Variants in CA12 observed in about 807,000 individuals in gnomAD.
The protein encoded by CA12 is carbonate dehydratase XII.
CA12 carries 36 observed loss-of-function variants against 46.8 expected under a neutral mutation model. That is an observed-to-expected ratio of 0.77 (90% CI 0.59 to 1.02). The LOEUF is 1.02. Among genes scored for constraint, CA12 ranks in the 50% least tolerant of loss-of-function variants. The pLI is 0.00. For synonymous variants in CA12, 202 were observed against 187.0 expected, an observed-to-expected ratio of 1.08 and a Z score of -0.65; for missense variants, 436 against 451.4, an observed-to-expected ratio of 0.97 and a Z score of 0.31.
At chr15:63,342,322 A>G (rs757218945) in intron 4 of CA12, among the ~76,000 whole-genome samples, 4 of 152,190 alleles carry the variant, frequency 2.6e-5, no homozygotes, top group Non-Finnish European at 4.4e-5. Context: ...GACATAATAC[A>G]TCAATCAATA....
At chr15:63,337,737 C>T (rs1032283763) in intron 8 of CA12, among the ~76,000 whole-genome samples, 4 of 152,086 alleles carry the variant, frequency 2.6e-5, no homozygotes, top group East Asian at 3.9e-4. Context: ...ACACCGTGCC[C>T]GGCTAATTTT....
At position 63,327,005 on chromosome 15, in the gene CA12, C is replaced by T. The variant is rs1196851806; in HGVS notation, c.992+144G>A. On this transcript the variant is annotated intron_variant, in intron 10 of 10. Transcript: ENST00000178638. The surrounding 1 kb of genome is among the most constrained non-coding windows in gnomAD (Gnocchi z 4.5). ...GTCTCATGCAAAGGAGGCCAGGGCA[C>T]GGGTGCTTTGGGGACGGCCCTCCTA... is the stretch of plus-strand genomic sequence containing the variant. The T allele has an allele frequency of 1.1e-5, 8 of 711,960 alleles. No homozygotes were observed. Among genetic ancestry groups the T allele is most frequent in the South Asian group, 4.5e-5 (3 of 66,142 alleles). The allele number at this position is 711,960 out of a possible 1,614,324, so 44.1% of individuals were successfully genotyped here.
At position 63,373,657 on chromosome 15, in the gene CA12, G is replaced by A. The variant is rs2039535417; in HGVS notation, c.106+2001C>T. On this transcript the variant is annotated intron_variant, in intron 2 of 10. Coordinates refer to ENST00000178638, the MANE Select transcript of CA12 (RefSeq NM_001218.5). The surrounding 1 kb of genome is among the most constrained non-coding windows in gnomAD (Gnocchi z 4.9). ...TTTTCAGGCTCCCTCCCTTTCCCAG[G>A]TCTAGCCCAAGGCCTAGAAATCTGC... 6.6e-6 allele frequency among the ~76,000 whole-genome samples: 1 copy of A among 152,160 alleles called. No individual in the cohort carries two copies. Among genetic ancestry groups the A allele is most frequent in the African/African-American group, 2.4e-5 (1 of 41,434 alleles).
chr15:63,381,837 T>C lies in CA12; in HGVS notation c.-117A>G. ...CAGCCTGGGTGCCGTGGCGAGTACG[T>C]CCGCCCTTCGCTCTCCTGGCTTCCC... On this transcript the variant is annotated 5_prime_UTR_variant, in exon 1 of 11. Transcript: ENST00000178638. The C allele has an allele frequency of 1.8e-6, 1 of 546,962 alleles. No homozygotes were observed. 33.9% of individuals were successfully genotyped at this position (546,962 alleles called of 1,614,324 possible).
Position 63,330,147 on chromosome 15 carries a change from T to A in CA12, c.875-2017A>T, listed in dbSNP as rs1157748153. ...CTGGCCAGACTCCCTGCCCCAGGCC[T>A]CTTCGTGTAACCTGAACACAAGGAC... On this transcript the variant is annotated intron_variant, in intron 8 of 10. Coordinates refer to ENST00000178638, the MANE Select transcript of CA12 (RefSeq NM_001218.5). This position sits in a 1 kb window ranked among gnomAD's most constrained non-coding sequence, Gnocchi z 4.0. Among the ~76,000 whole-genome samples the A allele has an allele frequency of 1.3e-5, 2 of 152,234 alleles. No homozygotes were observed. Among genetic ancestry groups the A allele is most frequent in the East Asian group, 3.8e-4 (2 of 5,196 alleles).
chr15:63,331,966 G>A lies in CA12; in HGVS notation c.875-3836C>T, dbSNP rs1046012419. Reference sequence around the variant, plus strand: ...TCTAGCTCTATTTACGATTCTGTTTGACTGTGGACTATAATCCTTTTCAAG... The same window carrying A: ...TCTAGCTCTATTTACGATTCTGTTTAACTGTGGACTATAATCCTTTTCAAG... On this transcript the variant is annotated intron_variant, in intron 8 of 10. Coordinates refer to ENST00000178638, the MANE Select transcript of CA12 (RefSeq NM_001218.5). This position sits in a 1 kb window ranked among gnomAD's most constrained non-coding sequence, Gnocchi z 5.3. Among the ~76,000 whole-genome samples, 11 of 152,178 alleles carry A rather than the reference G, an allele frequency of 7.2e-5. No homozygotes were observed. Among genetic ancestry groups the A allele is most frequent in the African/African-American group, 2.7e-4 (11 of 41,428 alleles).
chr15:63,328,089 G>T lies in CA12; in HGVS notation c.907+9C>A. The T allele has an allele frequency of 6.2e-7, 1 of 1,613,774 alleles. No homozygotes were observed. The highest frequency in any genetic ancestry group is 8.5e-7 in the Non-Finnish European group (1 of 1,179,704). ...TGCAGCATGCACGGCTGGCTGCCCA[G>T]CCACATACCCAGACTCAGTCCTGCC... On this transcript the variant is annotated intron_variant, in intron 9 of 10. Transcript: ENST00000178638. This position sits in a 1 kb window ranked among gnomAD's most constrained non-coding sequence, Gnocchi z 5.9.
intron 8 of CA12, among the ~76,000 whole-genome samples, chr15:63,332,412 C>T (rs527611618): frequency 1.1e-4 from 16 of 152,338 alleles, no homozygotes; most frequent in African/African-American, 3.8e-4. Context: ...AGGGCTTTGC[C>T]TGTAGATTAC....
At chr15:63,376,320 A>G (rs1310011297) in intron 1 of CA12, among the ~76,000 whole-genome samples, 1 of 152,182 alleles carries the variant, frequency 6.6e-6, no homozygotes, top group Non-Finnish European at 1.5e-5. Flanking sequence ...AAGCCATCAA[A>G]TGGTATATAC....
chr15:63,355,272 G>A lies in CA12; in HGVS notation c.107-8563C>T, dbSNP rs1476015631. On this transcript the variant is annotated intron_variant, in intron 2 of 10. Coordinates refer to ENST00000178638, the MANE Select transcript of CA12 (RefSeq NM_001218.5). The surrounding 1 kb of genome is among the most constrained non-coding windows in gnomAD (Gnocchi z 4.1). ...CTCCCCTCGCTGGGGCAGGGCAAAG[G>A]GTTTCCCCCTCTTCTGTGCTCCTAT... Among the ~76,000 whole-genome samples, 1 of 152,156 alleles carries A rather than the reference G, an allele frequency of 6.6e-6. No individual in the cohort carries two copies. The highest frequency in any genetic ancestry group is 2.4e-5 in the African/African-American group (1 of 41,434).
At chr15:63,370,617 A>G (rs1305176706) in intron 2 of CA12, among the ~76,000 whole-genome samples, 1 of 151,874 alleles carries the variant, frequency 6.6e-6, no homozygotes, top group African/African-American at 2.4e-5. Context: ...TATTAAAAAT[A>G]CAAAGATTAG....
chr15:63,346,205 G>A (rs2039145191), intron 3 of CA12, among the ~76,000 whole-genome samples: 2 of 152,132 alleles, frequency 1.3e-5, no homozygotes, highest in Non-Finnish European at 2.9e-5. Context: ...CCGCCAAACT[G>A]TGTGGTTCCT....
rs2039086225 is a variant in CA12, at chr15:63,342,090, A to T, written c.437T>A (p.Ile146Asn). ...ATAAAGGTCTGAGTTATAATGGACA[A>T]TGTGCAGCTGCAGTGGGGGAGAAGC... ...SGQHFAAELH[I>N]VHYNSDLYPD... Residue 146 changes from isoleucine (I) to asparagine (N), a missense_variant, in exon 5 of 11, where the codon ATT (isoleucine) becomes AAT (asparagine). Physicochemically the swap from Ile to Asn is moderately radical, Grantham distance 149 (BLOSUM62 -3). Coordinates refer to ENST00000178638, the MANE Select transcript of CA12 (RefSeq NM_001218.5). 1 of 1,599,882 alleles carries T rather than the reference A, an allele frequency of 6.3e-7. No homozygotes were observed. Among genetic ancestry groups the T allele is most frequent in the Admixed American group, 1.7e-5 (1 of 59,618 alleles).
intron 10 of CA12, among the ~76,000 whole-genome samples, chr15:63,326,639 A>C (rs1039906029): frequency 6.6e-6 from 1 of 152,134 alleles, no homozygotes; most frequent in Non-Finnish European, 1.5e-5. Context: ...CTCTGATTCC[A>C]TAACAGGGTT....
intron 1 of CA12, among the ~76,000 whole-genome samples, chr15:63,380,753 A>G (rs1270028392): frequency 6.6e-6 from 1 of 152,176 alleles, no homozygotes; most frequent in Non-Finnish European, 1.5e-5. Flanking sequence ...TGAGCAGGAC[A>G]CATTTCCCAC....
Position 63,340,139 on chromosome 15 carries a change from G to C in CA12, c.747+149C>G. On this transcript the variant is annotated intron_variant, in intron 7 of 10. Coordinates refer to ENST00000178638, the MANE Select transcript of CA12 (RefSeq NM_001218.5). The surrounding 1 kb of genome is among the most constrained non-coding windows in gnomAD (Gnocchi z 4.4). Reference sequence around the variant, plus strand: ...TTGAAGCTCAGCCTGGAATTTCTGCGGTGCTTTCAGACACCTGTGATATTT... The same window carrying C: ...TTGAAGCTCAGCCTGGAATTTCTGCCGTGCTTTCAGACACCTGTGATATTT... 1 of 896,842 alleles carries C rather than the reference G, an allele frequency of 1.1e-6. No individual in the cohort carries two copies. The highest frequency in any genetic ancestry group is 2.0e-5 in the Admixed American group (1 of 49,196). 55.6% of individuals were successfully genotyped at this position (896,842 alleles called of 1,614,324 possible).
At chr15:63,358,717 T>A (rs2039322747) in intron 2 of CA12, among the ~76,000 whole-genome samples, 2 of 152,308 alleles carry the variant, frequency 1.3e-5, no homozygotes, top group African/African-American at 4.8e-5. Context: ...ATCCAATGTT[T>A]ACTTCCTCAG....
intron 2 of CA12, among the ~76,000 whole-genome samples, chr15:63,350,804 T>TCA (rs2039219655): frequency 6.6e-6 from 1 of 152,180 alleles, no homozygotes; most frequent in Non-Finnish European, 1.5e-5. Context: ...GAACCCCATG[T>TCA]CACCCAGCTT....
chr15:63,345,416 C>A lies in CA12; in HGVS notation c.429+61G>T. 6.3e-7 allele frequency: 1 copy of A among 1,593,194 alleles called. No homozygotes were observed. Among genetic ancestry groups the A allele is most frequent in the South Asian group, 1.1e-5 (1 of 90,288 alleles). Reference sequence around the variant, plus strand: ...GGTGTTATCTGCACAGCAGCCAGGTCGAGAAGGTGCCACACCACCCACTGC... The same window carrying A: ...GGTGTTATCTGCACAGCAGCCAGGTAGAGAAGGTGCCACACCACCCACTGC... On this transcript the variant is annotated intron_variant, in intron 4 of 10. Transcript: ENST00000178638. This position sits in a 1 kb window ranked among gnomAD's most constrained non-coding sequence, Gnocchi z 4.3.
Sources: allele counts gnomAD v4.1 joint callset (sites outside exome capture counted in the v4.1 genomes callset), GRCh38; gene constraint gnomAD v4.1.1; non-coding constraint Gnocchi (gnomAD v3.1); transcripts MANE v1.5; gene names NCBI Gene and HGNC (gene_info 2026-07-23, HGNC 2026-07-21).